Variants in RASA3 observed in about 807,000 individuals in gnomAD.
The protein encoded by RASA3 is RAS p21 protein activator 3.
A neutral mutation model predicts 110.0 loss-of-function variants in RASA3; 73 were observed. The ratio of observed to expected loss-of-function variants is 0.66; its 90% CI spans 0.55 to 0.81. RASA3 has a LOEUF of 0.81. RASA3 is among the 30% of genes least tolerant of loss of function. RASA3 has a pLI of 0.00. For synonymous variants in RASA3, 500 were observed against 451.4 expected (o/e 1.11, Z -1.37); for missense variants, 976 against 1,113.2 (o/e 0.88, Z 1.75).
At chr13:113,992,109 T>C (rs921969420) in intron 22 of RASA3, among the ~76,000 whole-genome samples, 5 of 152,178 alleles carry the variant, frequency 3.3e-5, no homozygotes, top group Non-Finnish European at 5.9e-5. Flanking sequence ...CCTACACATA[T>C]GCACACATCT....
Position 114,036,699 on chromosome 13 carries a change from G to A in RASA3, c.372+4301C>T, listed in dbSNP as rs543183103. 7.9e-5 allele frequency among the ~76,000 whole-genome samples: 12 copies of A among 152,256 alleles called. No individual in the cohort carries two copies. The East Asian group carries it at 1.9e-3, about 24-fold the overall frequency. On this transcript the variant is annotated intron_variant, in intron 4 of 23. Coordinates refer to ENST00000334062, the MANE Select transcript of RASA3 (RefSeq NM_007368.4). ...ATTACAGGCATGCGCCACCACGCCC[G>A]GCTAATTTTGTATTTTCAGTAGAGA...
intron 22 of RASA3, among the ~76,000 whole-genome samples, chr13:113,990,202 T>C (rs2053075065): frequency 6.6e-6 from 1 of 151,656 alleles, no homozygotes; most frequent in African/African-American, 2.4e-5. Context: ...GAACTGTGAG[T>C]CAATCAATCT....
At chr13:113,995,812 G>A (rs1275769718) in intron 21 of RASA3, among the ~76,000 whole-genome samples, 1,184 of 24,466 alleles carry the variant, frequency 0.048, 295 homozygotes, top group African/African-American at 0.1. Context: ...ATGGGGGTCC[G>A]GCTGACGGGG....
At chr13:113,998,445 AG>A (rs1286856404) in intron 20 of RASA3, among the ~76,000 whole-genome samples, 3 of 152,234 alleles carry the variant, frequency 2.0e-5, no homozygotes, top group Non-Finnish European at 2.9e-5. Context: ...CACGAGGCCC[AG>A]GGACTGTGCC....
chr13:114,020,974 C>G (rs9525333), intron 9 of RASA3, among the ~76,000 whole-genome samples: 2 of 151,692 alleles, frequency 1.3e-5, no homozygotes, highest in East Asian at 3.9e-4. Context: ...GCTCAGGGCC[C>G]CGCTTTCACC....
rs1032373724 is a variant in RASA3, at chr13:113,979,198, A to C, written c.*149T>G. ...TGGCGGTGGTGGCAGCGGTTCTGGG[A>C]GAGGGAAACCCCAGCGCCACTTGTC... On this transcript the variant is annotated 3_prime_UTR_variant, in exon 24 of 24. Transcript: ENST00000334062. The C allele has an allele frequency of 5.4e-6, 4 of 738,252 alleles. No homozygotes were observed. Among genetic ancestry groups the C allele is most frequent in the Middle Eastern group, 3.8e-4 (1 of 2,604 alleles). 45.7% of individuals were successfully genotyped at this position (738,252 alleles called of 1,614,324 possible).
At chr13:114,031,209 G>A (rs1027011303) in intron 4 of RASA3, among the ~76,000 whole-genome samples, 12 of 150,624 alleles carry the variant, frequency 8.0e-5, no homozygotes, top group African/African-American at 2.2e-4. Flanking sequence ...CTGTGTGGGC[G>A]TGCGATTGTG....
intron 21 of RASA3, among the ~76,000 whole-genome samples, chr13:113,995,195 T>C (rs1200938306): frequency 6.6e-6 from 1 of 152,222 alleles, no homozygotes; most frequent in East Asian, 1.9e-4. Context: ...CACGGTCGGC[T>C]GCGGGTGGGG....
rs2079949222 is a variant in RASA3, at chr13:114,096,732, C to T, written c.56-22895G>A. ...TATGACCACCCTTCCCTCCTCGTCC[C>T]CCAAAGCACTCAACAGCTCTCCAGC... On this transcript the variant is annotated intron_variant, in intron 1 of 23. Transcript: ENST00000334062. The surrounding 1 kb of genome is among the most constrained non-coding windows in gnomAD (Gnocchi z 5.1). Among the ~76,000 whole-genome samples, 2 of 152,156 alleles carry T rather than the reference C, an allele frequency of 1.3e-5. No individual in the cohort carries two copies. The highest frequency in any genetic ancestry group is 4.1e-4 in the South Asian group (2 of 4,824).
intron 1 of RASA3, among the ~76,000 whole-genome samples, chr13:114,087,655 C>T (rs1011595855): frequency 3.3e-5 from 5 of 152,232 alleles, no homozygotes; most frequent in Non-Finnish European, 7.3e-5. Context: ...CTCAGTGGAG[C>T]TCCTTCCAGG....
At chr13:114,058,567 C>A (rs899698509) in intron 2 of RASA3, among the ~76,000 whole-genome samples, 7 of 152,226 alleles carry the variant, frequency 4.6e-5, no homozygotes, top group Non-Finnish European at 1.0e-4. Context: ...CTGAGGCCAC[C>A]CTTGCTGGGA....
chr13:114,040,581 A>G (rs1235303040), intron 4 of RASA3, among the ~76,000 whole-genome samples: 1 of 124,558 alleles, frequency 8.0e-6, no homozygotes, highest in African/African-American at 3.3e-5. Flanking sequence ...ACAACCCAAA[A>G]TCCATGGCGG....
At chr13:114,082,255 G>A (rs973858994) in intron 1 of RASA3, among the ~76,000 whole-genome samples, 5 of 152,220 alleles carry the variant, frequency 3.3e-5, no homozygotes, top group Admixed American at 6.5e-5. Flanking sequence ...GGACATCACC[G>A]CAACAGCAGA....
intron 1 of RASA3, among the ~76,000 whole-genome samples, chr13:114,087,904 C>T (rs952012238): frequency 2.0e-5 from 3 of 152,196 alleles, no homozygotes; most frequent in Non-Finnish European, 2.9e-5. Flanking sequence ...CTGAGGCTGA[C>T]GGATGGCTCG....
chr13:113,996,503 C>T (rs61967993), intron 21 of RASA3, 28 bp downstream of exon 21: 271,638 of 1,598,640 alleles, frequency 0.17, 25,795 homozygotes, highest in Middle Eastern at 0.21. Flanking sequence ...GCACAGTGCA[C>T]GAGCTGGGCA....
intron 8 of RASA3, 127 bp downstream of exon 8, chr13:114,024,152 T>A: frequency 9.8e-7 from 1 of 1,018,056 alleles, no homozygotes; most frequent in African/African-American, 1.6e-5. Context: ...CATCCTGTTG[T>A]GAAAATTACC....
Position 114,096,380 on chromosome 13 carries a change from G to C in RASA3, c.56-22543C>G, listed in dbSNP as rs1420633244. ...CATCTCAGCCGTTGTCCGACACTGG[G>C]TGATTCTGCACGCCCGGCTCGGAAC... On this transcript the variant is annotated intron_variant, in intron 1 of 23. Coordinates refer to ENST00000334062, the MANE Select transcript of RASA3 (RefSeq NM_007368.4). This position sits in a 1 kb window ranked among gnomAD's most constrained non-coding sequence, Gnocchi z 5.1. Among the ~76,000 whole-genome samples, 1 of 152,174 alleles carries C rather than the reference G, an allele frequency of 6.6e-6. No individual in the cohort carries two copies. The highest frequency in any genetic ancestry group is 1.9e-4 in the East Asian group (1 of 5,198).
At chr13:114,015,508 G>A (rs1594325974) in intron 13 of RASA3, among the ~76,000 whole-genome samples, 176 bp from the exon 14 acceptor site, 1 of 152,216 alleles carries the variant, frequency 6.6e-6, no homozygotes, top group East Asian at 1.9e-4. Flanking sequence ...GGGAGCTGTG[G>A]CAATTCACGC....
intron 3 of RASA3, among the ~76,000 whole-genome samples, chr13:114,050,213 G>A (rs1017119760): frequency 1.3e-5 from 2 of 152,188 alleles, no homozygotes; most frequent in Non-Finnish European, 2.9e-5. Flanking sequence ...CAGGGGTCAC[G>A]CTGGACCCTC....
Sources: gnomAD v4.1 joint callset for allele counts (sites outside exome capture counted in the v4.1 genomes callset) on GRCh38, gnomAD v4.1.1 for gene constraint, Gnocchi (gnomAD v3.1) non-coding constraint, MANE v1.5 for transcripts, NCBI Gene and HGNC (gene_info 2026-07-23, HGNC 2026-07-21) for gene names.